The following FOXN3 variants were observed in gnomAD, a reference collection of about 807,000 sequenced individuals.
The protein encoded by FOXN3 is forkhead box protein N3.
Under a neutral mutation model 38.4 loss-of-function variants are expected in FOXN3, and 7 were observed. The observed-to-expected ratio is 0.18, with a 90% CI of 0.10 to 0.34. FOXN3 has a LOEUF of 0.34. Ranked by LOEUF, FOXN3 falls within the 10% of genes least tolerant of loss-of-function variation. The pLI is 1.00. For missense variants in FOXN3, 456 were observed against 613.4 expected, an observed-to-expected ratio of 0.74 and a Z score of 2.71; for synonymous variants, 230 against 242.2, an observed-to-expected ratio of 0.95 and a Z score of 0.47.
At chr14:89,513,922 A>ACACACACACACACGCACG (rs1555358206) in intron 1 of FOXN3, among the ~76,000 whole-genome samples, 1 of 151,418 alleles carries the variant, frequency 6.6e-6, no homozygotes, top group Admixed American at 6.6e-5. Context: ...ACACACACAC[A>ACACACACACACACGCACG]CACACACGCA....
At chr14:89,567,879 C>T (rs576363749) in intron 1 of FOXN3, among the ~76,000 whole-genome samples, 5 of 152,066 alleles carry the variant, frequency 3.3e-5, no homozygotes, top group Non-Finnish European at 7.4e-5. Flanking sequence ...CCCGCCACTA[C>T]GCCTGGCTAA....
intron 3 of FOXN3, among the ~76,000 whole-genome samples, chr14:89,322,437 G>C (rs925437487): frequency 6.6e-6 from 1 of 152,132 alleles, no homozygotes; most frequent in East Asian, 1.9e-4. Context: ...CACACAACTT[G>C]GAGTCTACTG....
intron 1 of FOXN3, among the ~76,000 whole-genome samples, chr14:89,504,813 G>A (rs868336686): frequency 1.4e-4 from 22 of 152,172 alleles, no homozygotes; most frequent in Middle Eastern, 3.4e-3. Context: ...CAGCAACCAC[G>A]GCCCACAGGA....
chr14:89,379,655 CATTATT>C (rs1222601666), intron 2 of FOXN3, among the ~76,000 whole-genome samples: 2 of 151,938 alleles, frequency 1.3e-5, no homozygotes, highest in African/African-American at 4.8e-5. Context: ...TTTTATTTTT[CATTATT>C]ATTATTGAGA....
At position 89,484,372 on chromosome 14, in the gene FOXN3, G is replaced by A. The variant is rs554027111; in HGVS notation, c.-14-71882C>T. On this transcript the variant is annotated intron_variant, in intron 1 of 6. Coordinates refer to the FOXN3 transcript ENST00000345097. This position sits in a 1 kb window ranked among gnomAD's most constrained non-coding sequence, Gnocchi z 4.0. ...CTTATTTAACTCTGCCATTGTAAGG[G>A]CACAACTGCCATAGATAATCCAGAA... Among the ~76,000 whole-genome samples the A allele has an allele frequency of 2.0e-5, 3 of 152,262 alleles. No homozygotes were observed. In the East Asian group the frequency reaches 5.8e-4, roughly 29 times the overall value.
chr14:89,185,166 C>T (rs1302063137), intron 4 of FOXN3, among the ~76,000 whole-genome samples: 1 of 152,190 alleles, frequency 6.6e-6, no homozygotes, highest in Non-Finnish European at 1.5e-5. Flanking sequence ...GGCACTTCTC[C>T]GTCCTCATCA....
intron 2 of FOXN3, among the ~76,000 whole-genome samples, chr14:89,375,566 A>G (rs1032620620): frequency 5.3e-5 from 8 of 152,202 alleles, no homozygotes; most frequent in Non-Finnish European, 1.0e-4. Flanking sequence ...TTTTATGCAC[A>G]TTATAGAATA....
chr14:89,539,241 T>C (rs1180798493), intron 1 of FOXN3, among the ~76,000 whole-genome samples: 1 of 152,206 alleles, frequency 6.6e-6, no homozygotes, highest in African/African-American at 2.4e-5. Context: ...TTAAAGGCAT[T>C]TGAAGATAAA....
At chr14:89,438,580 A>G (rs1250695987) in intron 1 of FOXN3, among the ~76,000 whole-genome samples, 1 of 152,236 alleles carries the variant, frequency 6.6e-6, no homozygotes, top group African/African-American at 2.4e-5. Context: ...ATCAGAATAT[A>G]TAGCCTAAAA....
intron 4 of FOXN3, among the ~76,000 whole-genome samples, chr14:89,228,261 A>G (rs1884701793): frequency 6.6e-6 from 1 of 152,246 alleles, no homozygotes; most frequent in African/African-American, 2.4e-5. Flanking sequence ...AAAGCTCAGG[A>G]AGACACGTTT....
intron 3 of FOXN3, among the ~76,000 whole-genome samples, chr14:89,312,756 T>C (rs776978900): frequency 4.6e-5 from 7 of 152,158 alleles, no homozygotes; most frequent in Non-Finnish European, 7.3e-5. Flanking sequence ...CCCTACAACA[T>C]TGGACTGTTA....
chr14:89,208,939 A>C (rs1228921743), intron 4 of FOXN3, among the ~76,000 whole-genome samples: 1 of 152,206 alleles, frequency 6.6e-6, no homozygotes, highest in Non-Finnish European at 1.5e-5. Flanking sequence ...GAAACACAGA[A>C]GATCTCCCAG....
intron 1 of FOXN3, among the ~76,000 whole-genome samples, chr14:89,470,011 C>T (rs1179001555): frequency 6.6e-6 from 1 of 152,198 alleles, no homozygotes; most frequent in Non-Finnish European, 1.5e-5. Flanking sequence ...AGCTGTCCAC[C>T]TCCCACCCAA....
At position 89,577,057 on chromosome 14, in the gene FOXN3, A is replaced by G. The variant is rs554386109; in HGVS notation, c.-15+41971T>C. On this transcript the variant is annotated intron_variant, in intron 1 of 6. Transcript: ENST00000345097. ...GTCACCGTAAAAGGCTGGGAGTAAA[A>G]TTTCCCATAAACACAGGGGAAACCT... 4.4e-4 allele frequency: 67 copies of G among 152,306 alleles called. 1 individual carries two copies. Among genetic ancestry groups the G allele is most frequent in the African/African-American group, 1.3e-3 (53 of 41,562 alleles). The allele number at this position is 152,306 out of a possible 1,614,324, so 9.4% of individuals were successfully genotyped here. A position where few individuals can be genotyped will look rare whatever the true frequency, so the allele number is the denominator to read the frequency against.
chr14:89,580,626 T>C (rs573930244), intron 1 of FOXN3, among the ~76,000 whole-genome samples: 1 of 152,292 alleles, frequency 6.6e-6, no homozygotes, highest in East Asian at 1.9e-4. Flanking sequence ...CTGATCCCCC[T>C]CCAGAATTGA....
chr14:89,277,529 A>T (rs1886335243), intron 4 of FOXN3, among the ~76,000 whole-genome samples: 2 of 152,204 alleles, frequency 1.3e-5, no homozygotes, highest in African/African-American at 4.8e-5. Flanking sequence ...AATCCAAACC[A>T]AATCTTACCC....
intron 3 of FOXN3, among the ~76,000 whole-genome samples, chr14:89,299,912 T>C (rs1887165005): frequency 1.3e-5 from 2 of 152,102 alleles, no homozygotes; most frequent in Non-Finnish European, 2.9e-5. Context: ...AGCAAACACA[T>C]GGTGAGTAAA....
chr14:89,548,342 G>A lies in FOXN3; in HGVS notation c.-15+70686C>T, dbSNP rs545709325. 2.6e-4 allele frequency among the ~76,000 whole-genome samples: 40 copies of A among 152,156 alleles called. 1 individual carries two copies. The East Asian group carries it at 2.7e-3, about 10-fold the overall frequency. On this transcript the variant is annotated intron_variant, in intron 1 of 6. Coordinates refer to the FOXN3 transcript ENST00000345097. This position sits in a 1 kb window ranked among gnomAD's most constrained non-coding sequence, Gnocchi z 4.8. Reference sequence around the variant, plus strand: ...TTTGTCAGAATATATGCATGTATGCGGCTAGGCTACATATACGGTTATAAA... The same window carrying A: ...TTTGTCAGAATATATGCATGTATGCAGCTAGGCTACATATACGGTTATAAA...
At chr14:89,315,338 G>A (rs905900900) in intron 3 of FOXN3, among the ~76,000 whole-genome samples, 1 of 152,036 alleles carries the variant, frequency 6.6e-6, no homozygotes. Context: ...AATCTTTAAC[G>A]TCGGCATAAC....
Sources: allele counts gnomAD v4.1 joint callset (sites outside exome capture counted in the v4.1 genomes callset), GRCh38; gene constraint gnomAD v4.1.1; non-coding constraint Gnocchi (gnomAD v3.1); transcripts MANE v1.5; gene names NCBI Gene and HGNC (gene_info 2026-07-23, HGNC 2026-07-21).